CFH: variants seen among roughly 807,000 people sequenced by gnomAD.
CFH encodes H factor 1 (complement).
Under a neutral mutation model 147.3 loss-of-function variants are expected in CFH, and 53 were observed. The observed-to-expected ratio is 0.36, with a 90% CI of 0.29 to 0.45. The LOEUF is 0.45. Ranked by LOEUF, CFH falls within the 20% of genes least tolerant of loss-of-function variation. The pLI is 1.00. For synonymous variants in CFH, 536 were observed against 489.4 expected (o/e 1.10, Z -1.26); for missense variants, 1,380 against 1,498.0 (o/e 0.92, Z 1.30).
intron 9 of CFH, among the ~76,000 whole-genome samples, chr1:196,704,699 C>T (rs1407285334): frequency 6.6e-6 from 1 of 152,200 alleles, no homozygotes; most frequent in Non-Finnish European, 1.5e-5. Flanking sequence ...CACAGCAATG[C>T]ATTTAGCCTC....
At chr1:196,678,108 G>T (rs1460250355) in intron 5 of CFH, 2 of 182,168 alleles carry the variant, frequency 1.1e-5, no homozygotes, top group South Asian at 1.2e-4. Context: ...GAAAGCCAAA[G>T]ATTCATTATG....
chr1:196,713,269 C>A (rs1387945862), intron 9 of CFH, among the ~76,000 whole-genome samples: 1 of 152,112 alleles, frequency 6.6e-6, no homozygotes, highest in Non-Finnish European at 1.5e-5. Context: ...ATAAGAATGA[C>A]ATTTCAAATT....
At position 196,692,375 on chromosome 1, in the gene CFH, G is replaced by C. The variant is rs10922094; in HGVS notation, c.1336+2136G>C. The C allele has an allele frequency of 0.59, 474,916 of 800,600 alleles. 143,993 individuals are homozygous for C. The highest frequency in any genetic ancestry group is 0.94 in the East Asian group (7,298 of 7,732). The allele number at this position is 800,600 out of a possible 1,614,324, so 49.6% of individuals were successfully genotyped here. A position where few individuals can be genotyped will look rare whatever the true frequency, so the allele number is the denominator to read the frequency against. On this transcript the variant is annotated intron_variant, in intron 9 of 21. Coordinates refer to ENST00000367429, the MANE Select transcript of CFH (RefSeq NM_000186.4). The stretch of plus-strand genomic sequence containing the variant: ...CATTACTTTTATTTTTTTCTTCACA[G>C]ATTAATTGAGGCTAATAATATGCCT...
intron 3 of CFH, among the ~76,000 whole-genome samples, chr1:196,675,525 A>G (rs911739484): frequency 1.2e-4 from 18 of 152,188 alleles, no homozygotes; most frequent in Admixed American, 1.0e-3. Flanking sequence ...AGAGGGAAAC[A>G]TAAGGTTAGT....
chr1:196,661,398 C>G (rs1666899107), intron 1 of CFH, among the ~76,000 whole-genome samples: 3 of 152,138 alleles, frequency 2.0e-5, no homozygotes, highest in Non-Finnish European at 2.9e-5. Flanking sequence ...TTATTAACTG[C>G]CTAGCTTATA....
At chr1:196,740,367 T>C (rs1435810967) in intron 17 of CFH, among the ~76,000 whole-genome samples, 2 of 152,228 alleles carry the variant, frequency 1.3e-5, no homozygotes, top group Non-Finnish European at 2.9e-5. Context: ...AGGCATTGTT[T>C]ACCAGGCATA....
At chr1:196,690,017 A>T in intron 8 of CFH, 46 bp from the exon 9 acceptor site, 5 of 1,529,956 alleles carry the variant, frequency 3.3e-6, no homozygotes, top group Non-Finnish European at 4.5e-6. Context: ...GAGCAAATTT[A>T]TGTTTCTCAT....
chr1:196,668,497 C>T (rs1667172146), intron 1 of CFH, among the ~76,000 whole-genome samples: 1 of 152,080 alleles, frequency 6.6e-6, no homozygotes, highest in African/African-American at 2.4e-5. Flanking sequence ...GTGTCCCCAC[C>T]CAAATCTCAT....
rs1251918930 is a variant in CFH at position 196,691,332 on chromosome 1, T to TTGTAAGTATATTGTAA, written c.1336+1093_1336+1094insTGTAAGTATATTGTAA. Among the ~76,000 whole-genome samples, 33 of 152,272 alleles carry TTGTAAGTATATTGTAA rather than the reference T, an allele frequency of 2.2e-4. No homozygotes were observed. The East Asian group carries it at 4.5e-3, about 21-fold the overall frequency. ...TATATGTAAGTACAAATGGGTATTC[T>TTGTAAGTATATTGTAA]GAGATCTTGTGCATATTCTACTCTA... On this transcript the variant is annotated intron_variant, in intron 9 of 21. Coordinates refer to ENST00000367429, the MANE Select transcript of CFH (RefSeq NM_000186.4).
At chr1:196,670,575 A>G (rs1008422962) in intron 1 of CFH, among the ~76,000 whole-genome samples, 1 of 152,122 alleles carries the variant, frequency 6.6e-6, no homozygotes, top group Middle Eastern at 3.2e-3. Flanking sequence ...TCATGTGAAG[A>G]GGTCTTTCCT....
chr1:196,742,159 G>T lies in CFH; in HGVS notation c.3133+108G>T, dbSNP rs1652830536. 4 of 1,017,098 alleles carry T rather than the reference G, an allele frequency of 3.9e-6. No individual in the cohort carries two copies. In the East Asian group the frequency reaches 1.1e-4, roughly 27 times the overall value. 63.0% of individuals were successfully genotyped at this position (1,017,098 alleles called of 1,614,324 possible). Reference sequence around the variant, plus strand: ...GGAGGCCGAGGTGGGCGGATCACTTGAGGTCAGGAGTTCGAGACCAGCCTG... The same window carrying T: ...GGAGGCCGAGGTGGGCGGATCACTTTAGGTCAGGAGTTCGAGACCAGCCTG... On this transcript the variant is annotated intron_variant, in intron 19 of 21. Coordinates refer to ENST00000367429, the MANE Select transcript of CFH (RefSeq NM_000186.4).
At chr1:196,673,225 A>C in intron 2 of CFH, 62 bp downstream of exon 2, 1 of 1,372,976 alleles carries the variant, frequency 7.3e-7, no homozygotes, top group Non-Finnish European at 1.0e-6. Flanking sequence ...TTAAGATTTA[A>C]TATTGTAGCA....
rs148254589 is a variant in CFH at position 196,723,923 on chromosome 1, T to C, written c.1697-1198T>C. ...AGTGACCACAGCTATGAACACAGAA[T>C]TGGATCCACGGGACATGTTCCCCTC... On this transcript the variant is annotated intron_variant, in intron 11 of 21. Transcript: ENST00000367429. Among the ~76,000 whole-genome samples the C allele has an allele frequency of 2.9e-3, 441 of 152,080 alleles. 2 individuals carry two copies. Among genetic ancestry groups the C allele is most frequent in the African/African-American group, 0.01 (418 of 41,514 alleles).
Position 196,745,731 on chromosome 1 carries a change from C to T in CFH, c.3311-86C>T, listed in dbSNP as rs929204660. ...ATCACAAAACTGTTGATATTATATA[C>T]AGTGCTGTGTTTGCGTTTGCCTTAT... is the stretch of plus-strand genomic sequence containing the variant. On this transcript the variant is annotated intron_variant, in intron 20 of 21. Coordinates refer to ENST00000367429, the MANE Select transcript of CFH (RefSeq NM_000186.4). 1.8e-5 allele frequency: 28 copies of T among 1,560,100 alleles called. No individual in the cohort carries two copies. The African/African-American group carries it at 3.1e-4, about 17-fold the overall frequency.
intron 11 of CFH, among the ~76,000 whole-genome samples, chr1:196,722,684 C>A (rs1349060305): frequency 6.6e-6 from 1 of 152,034 alleles, no homozygotes; most frequent in Non-Finnish European, 1.5e-5. Flanking sequence ...GTTTTTTTAG[C>A]TTTTTCTTCT....
intron 16 of CFH, 95 bp downstream of exon 16, chr1:196,737,101 G>A: frequency 9.3e-7 from 1 of 1,072,008 alleles, no homozygotes; most frequent in African/African-American, 1.6e-5. Context: ...CTTTCTCTGT[G>A]TCTATTACTT....
intron 11 of CFH, among the ~76,000 whole-genome samples, chr1:196,720,395 T>C (rs149334352): frequency 3.4e-4 from 52 of 152,058 alleles, no homozygotes; most frequent in Non-Finnish European, 6.8e-4. Context: ...ATACTGAACA[T>C]TGCACCCATT....
chr1:196,737,576 A>G lies in CFH; in HGVS notation c.2698A>G (p.Thr900Ala). The change falls in exon 17 of 22, where the codon ACT (threonine) becomes GCT (alanine). Residue 900 changes from threonine (T) to alanine (A), a missense_variant. Thr to Ala is a moderately conservative substitution (Grantham distance 58, BLOSUM62 0). Transcript: ENST00000367429. ...SYAHGTKLSY[T>A]CEGGFRISEE... The stretch of plus-strand genomic sequence containing the variant: ...TGCACATGGGACTAAATTGAGTTAT[A>G]CTTGTGAGGGTGGTTTCAGGATATC... The G allele has an allele frequency of 6.2e-7, 1 of 1,613,428 alleles. No individual in the cohort carries two copies. Among genetic ancestry groups the G allele is most frequent in the Non-Finnish European group, 8.5e-7 (1 of 1,179,602 alleles).
chr1:196,679,628 T>C lies in CFH; in HGVS notation c.625T>C (p.Ser209Pro). Reference protein sequence around the residue: ...SKEKPKCVEISCKSPDVINGS... With the variant: ...SKEKPKCVEIPCKSPDVINGS... ...ATTTAATCCCTTTTATTTAGAAATT[T>C]CATGCAAATCCCCAGATGTTATAAA... The change falls in exon 6 of 22, where the codon TCA becomes CCA. Residue 209 changes from serine to proline, a missense_variant. Physicochemically the swap from Ser to Pro is moderately conservative, Grantham distance 74. Coordinates refer to ENST00000367429, the MANE Select transcript of CFH (RefSeq NM_000186.4). The C allele has an allele frequency of 6.2e-7, 1 of 1,600,840 alleles. No homozygotes were observed. The highest frequency in any genetic ancestry group is 8.6e-7 in the Non-Finnish European group (1 of 1,169,510).
Sources: gnomAD v4.1 joint callset for allele counts (sites outside exome capture counted in the v4.1 genomes callset) on GRCh38, gnomAD v4.1.1 for gene constraint, MANE v1.5 for transcripts, NCBI Gene and HGNC (gene_info 2026-07-23, HGNC 2026-07-21) for gene names.